The following WDR64 variants were observed in gnomAD, a reference collection of about 807,000 sequenced individuals.
The protein encoded by WDR64 is WD repeat domain 64.
Under a neutral mutation model 139.3 loss-of-function variants are expected in WDR64, and 112 were observed. The ratio of observed to expected loss-of-function variants is 0.80; its 90% CI spans 0.69 to 0.94. The LOEUF (loss-of-function observed/expected upper bound fraction) is 0.94, where lower values mean the gene tolerates loss of function less well. WDR64 is among the 40% of genes least tolerant of loss of function. WDR64 has a pLI of 0.00. For synonymous variants in WDR64, 444 were observed against 437.7 expected (o/e 1.01, Z -0.18); for missense variants, 1,206 against 1,293.1 (o/e 0.93, Z 1.03).
rs187939567 is a variant in WDR64, at chr1:241,656,235, A to C, written c.145+3606A>C. On this transcript the variant is annotated intron_variant, in intron 1 of 27. Transcript: ENST00000437684. This position sits in a 1 kb window ranked among gnomAD's most constrained non-coding sequence, Gnocchi z 4.3. ...GGCACAAATTCATATTTATTAACCA[A>C]TATTGGAAAATAAGGTCTCCCTCTC... Among the ~76,000 whole-genome samples, 20 of 152,318 alleles carry C rather than the reference A, an allele frequency of 1.3e-4. No homozygotes were observed. In the East Asian group the frequency reaches 3.5e-3, roughly 26 times the overall value.
intron 21 of WDR64, among the ~76,000 whole-genome samples, 196 bp downstream of exon 21, chr1:241,775,406 C>T (rs1440501045): frequency 1.3e-5 from 2 of 152,206 alleles, no homozygotes; most frequent in African/African-American, 4.8e-5. Context: ...TGCTTCATTC[C>T]TAGCTCTTCA....
At chr1:241,770,250 A>G (rs111680562) in intron 17 of WDR64, among the ~76,000 whole-genome samples, 2,853 of 152,296 alleles carry the variant, frequency 0.019, 53 homozygotes, top group South Asian at 0.053. Context: ...TCTGGTGAGA[A>G]CTAGACATTG....
chr1:241,668,691 A>G (rs1666112089), intron 2 of WDR64, among the ~76,000 whole-genome samples: 1 of 152,124 alleles, frequency 6.6e-6, no homozygotes, highest in Non-Finnish European at 1.5e-5. Flanking sequence ...TGGGCAGATC[A>G]CAGGGTCAGG....
intron 8 of WDR64, among the ~76,000 whole-genome samples, 198 bp from the exon 9 acceptor site, chr1:241,711,604 C>G (rs532907202): frequency 6.6e-6 from 1 of 152,140 alleles, no homozygotes; most frequent in East Asian, 1.9e-4. Context: ...CAAAGTACTA[C>G]GCGAATATCA....
intron 22 of WDR64, among the ~76,000 whole-genome samples, chr1:241,780,734 C>G (rs1166956832): frequency 1.3e-5 from 2 of 152,046 alleles, no homozygotes; most frequent in African/African-American, 2.4e-5. Context: ...CTTTTTGTTT[C>G]AGAGAATCTA....
intron 3 of WDR64, among the ~76,000 whole-genome samples, chr1:241,673,230 A>G: frequency 6.6e-6 from 1 of 152,186 alleles, no homozygotes; most frequent in Non-Finnish European, 1.5e-5. Context: ...ACCTAATGCT[A>G]AATGACGAGT....
At chr1:241,739,240 T>C (rs926772164) in intron 11 of WDR64, among the ~76,000 whole-genome samples, 7 of 152,182 alleles carry the variant, frequency 4.6e-5, no homozygotes, top group Non-Finnish European at 1.0e-4. Context: ...TTGAGCACTT[T>C]TTATATGCAT....
At chr1:241,701,673 A>T (rs1667716657) in intron 8 of WDR64, among the ~76,000 whole-genome samples, 1 of 76,028 alleles carries the variant, frequency 1.3e-5, no homozygotes, top group Non-Finnish European at 2.4e-5. Flanking sequence ...GTGGTCATTG[A>T]TCTGTTCATC....
In WDR64 at chr1:241,674,625, A is replaced by C; in HGVS notation, c.380-19A>C. On this transcript the variant is annotated intron_variant, in intron 3 of 27. Coordinates refer to ENST00000437684, the MANE Select transcript of WDR64 (RefSeq NM_001367482.1). Reference sequence around the variant, plus strand: ...ACCTTTACTGCTGAAAGTTGAAATGAATATTATGCTGTTGACAGGTAGTAG... The same window carrying C: ...ACCTTTACTGCTGAAAGTTGAAATGCATATTATGCTGTTGACAGGTAGTAG... The C allele has an allele frequency of 6.8e-7, 1 of 1,477,028 alleles. No individual in the cohort carries two copies. The highest frequency in any genetic ancestry group is 9.2e-7 in the Non-Finnish European group (1 of 1,091,880). 91.5% of individuals were successfully genotyped at this position (1,477,028 alleles called of 1,614,324 possible). A position where few individuals can be genotyped will look rare whatever the true frequency, so the allele number is the denominator to read the frequency against.
chr1:241,697,119 AC>A (rs1667523714), intron 8 of WDR64, among the ~76,000 whole-genome samples: 1 of 151,748 alleles, frequency 6.6e-6, no homozygotes, highest in Non-Finnish European at 1.5e-5. Flanking sequence ...CAGAACCCCA[AC>A]CCTTCTGTTA....
chr1:241,772,675 C>A (rs751717589), intron 19 of WDR64, 117 bp from the exon 20 acceptor site: 28 of 1,061,926 alleles, frequency 2.6e-5, no homozygotes, highest in Non-Finnish European at 3.7e-5. Flanking sequence ...GTTGGCCAGG[C>A]TGATCTGGAA....
chr1:241,755,488 A>G (rs1031486253), intron 14 of WDR64, among the ~76,000 whole-genome samples: 8 of 151,844 alleles, frequency 5.3e-5, no homozygotes, highest in African/African-American at 1.9e-4. Flanking sequence ...AGATTGCAAA[A>G]TTTTCTCCCA....
intron 9 of WDR64, among the ~76,000 whole-genome samples, chr1:241,720,070 T>C (rs1354225797): frequency 6.6e-6 from 1 of 152,222 alleles, no homozygotes; most frequent in Non-Finnish European, 1.5e-5. Context: ...TTTCTGTTCC[T>C]GTGTTAGTTT....
At chr1:241,704,318 C>T (rs1023705594) in intron 8 of WDR64, among the ~76,000 whole-genome samples, 3 of 152,182 alleles carry the variant, frequency 2.0e-5, no homozygotes, top group Non-Finnish European at 2.9e-5. Context: ...TGAAAAAACG[C>T]TCTTCACTCT....
At chr1:241,727,546 G>A (rs1668892670) in intron 10 of WDR64, among the ~76,000 whole-genome samples, 1 of 152,158 alleles carries the variant, frequency 6.6e-6, no homozygotes, top group Non-Finnish European at 1.5e-5. Context: ...CATTCATTTG[G>A]TTATTTAACA....
At chr1:241,708,101 C>T (rs1402221221) in intron 8 of WDR64, among the ~76,000 whole-genome samples, 2 of 152,168 alleles carry the variant, frequency 1.3e-5, no homozygotes, top group African/African-American at 4.8e-5. Context: ...TATCAGGAGA[C>T]AGCCCATGTC....
intron 22 of WDR64, among the ~76,000 whole-genome samples, chr1:241,782,864 C>A (rs1460237467): frequency 6.6e-6 from 1 of 152,104 alleles, no homozygotes; most frequent in African/African-American, 2.4e-5. Flanking sequence ...AGTCTTTTTG[C>A]CAATCTCCCC....
At chr1:241,676,840 C>T (rs1286273464) in intron 4 of WDR64, among the ~76,000 whole-genome samples, 1 of 151,198 alleles carries the variant, frequency 6.6e-6, no homozygotes, top group Non-Finnish European at 1.5e-5. Context: ...ACCTCATGGC[C>T]TCCCAAATTG....
chr1:241,707,280 C>G (rs1265936364), intron 8 of WDR64, among the ~76,000 whole-genome samples: 2 of 152,086 alleles, frequency 1.3e-5, no homozygotes, highest in African/African-American at 4.8e-5. Context: ...CTGAGTAAGC[C>G]CTAAAAACTC....
Sources: allele counts gnomAD v4.1 joint callset (sites outside exome capture counted in the v4.1 genomes callset), GRCh38; gene constraint gnomAD v4.1.1; non-coding constraint Gnocchi (gnomAD v3.1); transcripts MANE v1.5; gene names NCBI Gene and HGNC (gene_info 2026-07-23, HGNC 2026-07-21).